Variants in ZNF512 observed in about 807,000 individuals in gnomAD.
ZNF512 encodes the protein zinc finger protein 512.
Under a neutral mutation model 77.5 loss-of-function variants are expected in ZNF512, and 25 were observed. The observed-to-expected ratio is 0.32, with a 90% CI of 0.23 to 0.45. ZNF512 has a LOEUF of 0.45. ZNF512 is among the 20% of genes least tolerant of loss of function. The probability of loss-of-function intolerance (pLI) is 1.00; values close to 1 mark genes in which losing one functional copy is unlikely to be tolerated. For missense variants in ZNF512, 483 were observed against 692.6 expected (o/e 0.70, Z 3.40); for synonymous variants, 246 against 239.9 (o/e 1.03, Z -0.24).
intron 3 of ZNF512, among the ~76,000 whole-genome samples, chr2:27,599,122 G>A (rs1038026859): frequency 2.0e-5 from 3 of 152,154 alleles, no homozygotes. Context: ...AAAGTGCTGG[G>A]ATTACAGATG....
intron 2 of ZNF512, among the ~76,000 whole-genome samples, chr2:27,595,160 G>A (rs1220927446): frequency 6.6e-6 from 1 of 152,148 alleles, no homozygotes; most frequent in Non-Finnish European, 1.5e-5. Context: ...GAGGGAGAGC[G>A]AGAGCTGCAT....
intron 13 of ZNF512, 126 bp downstream of exon 13, chr2:27,617,697 T>A: frequency 1.7e-6 from 1 of 598,776 alleles, no homozygotes; most frequent in Non-Finnish European, 3.1e-6. Flanking sequence ...GCCATTAGAG[T>A]TAAAATATTC....
At chr2:27,604,871 C>G (rs1039531433) in intron 9 of ZNF512, among the ~76,000 whole-genome samples, 2 of 152,244 alleles carry the variant, frequency 1.3e-5, no homozygotes, top group African/African-American at 4.8e-5. Flanking sequence ...GCTACAGCCT[C>G]TGGCAACCAC....
chr2:27,598,478 A>T (rs2148017145), intron 3 of ZNF512, among the ~76,000 whole-genome samples: 1 of 152,136 alleles, frequency 6.6e-6, no homozygotes, highest in South Asian at 2.1e-4. Flanking sequence ...AAATACAAAA[A>T]ATTAGCGGGG....
intron 2 of ZNF512, among the ~76,000 whole-genome samples, chr2:27,595,620 G>A (rs1192309547): frequency 1.3e-5 from 2 of 152,134 alleles, no homozygotes; most frequent in South Asian, 4.1e-4. Context: ...CACTGTGCCC[G>A]GTGGAGACTG....
At chr2:27,609,783 C>T (rs972124104) in intron 10 of ZNF512, among the ~76,000 whole-genome samples, 4 of 151,854 alleles carry the variant, frequency 2.6e-5, no homozygotes, top group Admixed American at 1.3e-4. Context: ...GCAGAAGAAT[C>T]GCTTGAACCT....
intron 10 of ZNF512, among the ~76,000 whole-genome samples, chr2:27,610,900 A>G (rs1657990542): frequency 6.6e-6 from 1 of 152,006 alleles, no homozygotes; most frequent in Non-Finnish European, 1.5e-5. Context: ...GCGTATAGAT[A>G]AAAGGCATTA....
At position 27,593,274 on chromosome 2, in the gene ZNF512, C is replaced by T. The variant is rs1671684810; in HGVS notation, c.90-4793C>T. 4.0e-5 allele frequency among the ~76,000 whole-genome samples: 6 copies of T among 150,722 alleles called. 1 individual carries two copies. The South Asian group carries it at 1.3e-3, about 32-fold the overall frequency. On this transcript the variant is annotated intron_variant, in intron 2 of 13. Transcript: ENST00000355467. Reference sequence around the variant, plus strand: ...AGAATGAGCTGGGTACCGTGGCACACACTTGTGGTCTCAGCTACTCAGGAG... The same window carrying T: ...AGAATGAGCTGGGTACCGTGGCACATACTTGTGGTCTCAGCTACTCAGGAG...
chr2:27,598,024 C>A, intron 2 of ZNF512, 43 bp from the exon 3 acceptor site: 1 of 1,463,678 alleles, frequency 6.8e-7, no homozygotes, highest in Non-Finnish European at 9.2e-7. Flanking sequence ...AGAAATTTTG[C>A]TCCAGACCTT....
intron 2 of ZNF512, among the ~76,000 whole-genome samples, chr2:27,594,839 A>G (rs981854250): frequency 1.3e-5 from 2 of 152,240 alleles, no homozygotes; most frequent in Admixed American, 6.5e-5. Context: ...AGCCTGGGCA[A>G]CATTGAGCAT....
At chr2:27,614,510 T>C (rs1672797678) in intron 10 of ZNF512, among the ~76,000 whole-genome samples, 1 of 152,072 alleles carries the variant, frequency 6.6e-6, no homozygotes, top group Non-Finnish European at 1.5e-5. Context: ...GAAATGCAGA[T>C]AAATAGGAAA....
At chr2:27,618,922 TTA>T (rs1673009414) in intron 13 of ZNF512, among the ~76,000 whole-genome samples, 1 of 152,124 alleles carries the variant, frequency 6.6e-6, no homozygotes, top group South Asian at 2.1e-4. Context: ...GGGAACACCT[TTA>T]TTTATTTTCT....
chr2:27,619,332 G>C (rs1018136132), intron 13 of ZNF512, among the ~76,000 whole-genome samples: 1 of 152,066 alleles, frequency 6.6e-6, no homozygotes, highest in Non-Finnish European at 1.5e-5. Flanking sequence ...GAACCCAGGA[G>C]ACGGAGGTTG....
At chr2:27,596,724 T>C (rs1671888083) in intron 2 of ZNF512, among the ~76,000 whole-genome samples, 1 of 152,232 alleles carries the variant, frequency 6.6e-6, no homozygotes, top group South Asian at 2.1e-4. Context: ...CCAGGACTTC[T>C]GTGTATTAAA....
chr2:27,605,084 A>ATC (rs1374482811), intron 9 of ZNF512, among the ~76,000 whole-genome samples: 15 of 151,836 alleles, frequency 9.9e-5, no homozygotes, highest in Non-Finnish European at 1.8e-4. Context: ...TTTGTCGTTT[A>ATC]TCTGCTTACC....
rs1350682884 is a variant in ZNF512 at position 27,598,216 on chromosome 2, T to A, written c.239T>A (p.Met80Lys). Residue 80 changes from methionine (M) to lysine (K), a missense_variant, in exon 3 of 14, where the codon ATG becomes AAG. This residue lies in a region of ZNF512 where 159 missense variants were observed against 167.5 expected (regional missense o/e 0.95). Transcript: ENST00000355467. The stretch of plus-strand genomic sequence containing the variant: ...CGAAAATCTACCTACTGGATGAAGA[T>A]GAGAAGAATCAAGCCAGCTGCTACT... Reference protein sequence around the residue: ...SFRKSTYWMKMRRIKPAATSH... With the variant: ...SFRKSTYWMKKRRIKPAATSH... 21 of 1,614,002 alleles carry A rather than the reference T, an allele frequency of 1.3e-5. No individual in the cohort carries two copies. Among genetic ancestry groups the A allele is most frequent in the Non-Finnish European group, 1.8e-5 (21 of 1,179,950 alleles).
At chr2:27,583,448 A>G in intron 1 of ZNF512, 5 of 1,447,878 alleles carry the variant, frequency 3.5e-6, no homozygotes, top group Non-Finnish European at 4.5e-6. Context: ...GGCTTTGAGA[A>G]TGGGGGAAGA....
intron 9 of ZNF512, among the ~76,000 whole-genome samples, chr2:27,606,622 A>G (rs941073511): frequency 6.6e-6 from 1 of 152,140 alleles, no homozygotes; most frequent in African/African-American, 2.4e-5. Context: ...CAGCCTCCCA[A>G]AGTTCTGGGA....
intron 10 of ZNF512, among the ~76,000 whole-genome samples, chr2:27,614,594 C>T (rs1181814719): frequency 2.6e-5 from 4 of 151,360 alleles, no homozygotes; most frequent in African/African-American, 7.3e-5. Context: ...AGGAGAATGG[C>T]GTGAACCCAG....
Sources: gnomAD v4.1 joint callset for allele counts (sites outside exome capture counted in the v4.1 genomes callset) on GRCh38, gnomAD v4.1.1 for gene constraint, gnomAD v4.1.1 regional missense constraint, MANE v1.5 for transcripts, NCBI Gene and HGNC (gene_info 2026-07-23, HGNC 2026-07-21) for gene names.